The following KIF26B variants were observed in gnomAD, a reference collection of about 807,000 sequenced individuals.
KIF26B encodes the protein kinesin family member 26B.
A neutral mutation model predicts 151.2 loss-of-function variants in KIF26B; 63 were observed. That is an observed-to-expected ratio of 0.42 (90% CI 0.34 to 0.51). The LOEUF (loss-of-function observed/expected upper bound fraction) is 0.51, where lower values mean the gene tolerates loss of function less well. KIF26B is among the 20% of genes least tolerant of loss of function. KIF26B has a pLI of 0.07. For missense variants in KIF26B, 2,813 were observed against 2,913.6 expected (o/e 0.97, Z 0.79); for synonymous variants, 1,357 against 1,262.1 (o/e 1.08, Z -1.59).
At position 245,688,707 on chromosome 1, in the gene KIF26B, C is replaced by T. The variant is rs1423660641; in HGVS notation, c.5724C>T (p.Thr1908=). The change falls in exon 12 of 15, where the codon ACC becomes ACT. Residue 1908 remains threonine, a synonymous_variant. Coordinates refer to ENST00000407071, the MANE Select transcript of KIF26B (RefSeq NM_018012.4). ...GCGTGATGCGGGACAGCGAGGCCAC[C>T]GGCAGCGCGTCCTCGGCGCAGGACT... The part of the protein sequence containing the change: ...YESVMRDSEA[T]GSASSAQDST... 2.5e-6 allele frequency: 4 copies of T among 1,607,434 alleles called. No homozygotes were observed. Among genetic ancestry groups the T allele is most frequent in the Admixed American group, 1.7e-5 (1 of 59,594 alleles).
intron 4 of KIF26B, among the ~76,000 whole-genome samples, chr1:245,528,314 G>A (rs569099027): frequency 1.3e-5 from 2 of 152,308 alleles, no homozygotes; most frequent in East Asian, 3.9e-4. Context: ...CAGGTCATCA[G>A]TTACCCAGGT....
chr1:245,639,601 T>C (rs1176117340), intron 9 of KIF26B, among the ~76,000 whole-genome samples: 1 of 151,908 alleles, frequency 6.6e-6, no homozygotes, highest in East Asian at 1.9e-4. Context: ...TAGGTATTTA[T>C]TGCTATAGAA....
intron 2 of KIF26B, among the ~76,000 whole-genome samples, chr1:245,230,276 AAAACG>A (rs1329695325): frequency 6.6e-6 from 1 of 152,210 alleles, no homozygotes; most frequent in Non-Finnish European, 1.5e-5. Flanking sequence ...GCTCCCACCA[AAAACG>A]ATGTTACTTC....
At chr1:245,173,566 G>A (rs569208868) in intron 2 of KIF26B, among the ~76,000 whole-genome samples, 3 of 152,194 alleles carry the variant, frequency 2.0e-5, no homozygotes, top group African/African-American at 4.8e-5. Flanking sequence ...GCCACTTTAC[G>A]GGTAAAGAAG....
chr1:245,641,262 C>T (rs1474721939), intron 9 of KIF26B, among the ~76,000 whole-genome samples: 5 of 143,568 alleles, frequency 3.5e-5, no homozygotes, highest in African/African-American at 5.3e-5. Flanking sequence ...TTTTTAGGAC[C>T]CTCTTTGCCT....
intron 2 of KIF26B, among the ~76,000 whole-genome samples, chr1:245,313,129 A>G (rs1204716273): frequency 6.6e-6 from 1 of 152,224 alleles, no homozygotes; most frequent in Non-Finnish European, 1.5e-5. Flanking sequence ...ACTGCACTTC[A>G]GCCTCGGCGA....
In KIF26B at chr1:245,188,576, G is replaced by A. The variant is rs1669042170; in HGVS notation, c.465+31893G>A. Among the ~76,000 whole-genome samples, 4 of 152,186 alleles carry A rather than the reference G, an allele frequency of 2.6e-5. No individual in the cohort carries two copies. The East Asian group carries it at 5.8e-4, about 22-fold the overall frequency. ...CCAAGTTAGTTCCTCTTACAAAGAT[G>A]TACAGATTTTAAAACTGAACATGTG... On this transcript the variant is annotated intron_variant, in intron 2 of 14. Coordinates refer to ENST00000407071, the MANE Select transcript of KIF26B (RefSeq NM_018012.4).
chr1:245,556,364 T>TCCTCCCTCCTCCTC (rs1662038536), intron 5 of KIF26B, among the ~76,000 whole-genome samples: 1 of 120,710 alleles, frequency 8.3e-6, no homozygotes. Context: ...TCCTCCTCCT[T>TCCTCCCTCCTCCTC]CTTCTTCTTC....
intron 2 of KIF26B, among the ~76,000 whole-genome samples, chr1:245,236,104 A>AT (rs1326068323): frequency 6.6e-6 from 1 of 151,806 alleles, no homozygotes; most frequent in Non-Finnish European, 1.5e-5. Context: ...TAATTTTTCT[A>AT]TTTTTAGTCG....
intron 2 of KIF26B, among the ~76,000 whole-genome samples, chr1:245,268,166 C>T (rs749009268): frequency 2.6e-5 from 4 of 151,854 alleles, no homozygotes; most frequent in Admixed American, 6.6e-5. Flanking sequence ...AGCAGGACCC[C>T]GTCTGTAAAG....
Position 245,688,735 on chromosome 1 carries a change from A to T in KIF26B, c.5752A>T (p.Thr1918Ser). 6.2e-7 allele frequency: 1 copy of T among 1,607,170 alleles called. No individual in the cohort carries two copies. Among genetic ancestry groups the T allele is most frequent in the East Asian group, 2.2e-5 (1 of 44,678 alleles). The change falls in exon 12 of 15, where the codon ACG (threonine) becomes TCG (serine). Residue 1918 changes from threonine (T) to serine (S), a missense_variant. By Grantham distance (58) the Thr-to-Ser change is moderately conservative. Coordinates refer to ENST00000407071, the MANE Select transcript of KIF26B (RefSeq NM_018012.4). ...CAGCGCGTCCTCGGCGCAGGACTCC[A>T]CGAGCGAGAACAGCAGCTCCGTGGG... Reference protein sequence around the residue: ...TGSASSAQDSTSENSSSVGGR... With the variant: ...TGSASSAQDSSSENSSSVGGR...
intron 8 of KIF26B, among the ~76,000 whole-genome samples, chr1:245,609,863 C>G (rs950857804): frequency 4.6e-5 from 7 of 152,102 alleles, no homozygotes; most frequent in Non-Finnish European, 8.8e-5. Context: ...CTGCTCTGCA[C>G]AAATAGCTAG....
intron 2 of KIF26B, among the ~76,000 whole-genome samples, chr1:245,173,152 G>A (rs924449945): frequency 2.0e-5 from 3 of 152,182 alleles, no homozygotes; most frequent in African/African-American, 7.2e-5. Flanking sequence ...CAGTCACAAA[G>A]ACAAATATTA....
chr1:245,410,756 G>T (rs1172064760), intron 3 of KIF26B, among the ~76,000 whole-genome samples: 2 of 152,048 alleles, frequency 1.3e-5, no homozygotes, highest in Admixed American at 6.5e-5. Flanking sequence ...TTTTATTGTG[G>T]TAAAATATAT....
In KIF26B at chr1:245,702,522, G is replaced by A. The variant is rs775470978; in HGVS notation, c.6243G>A (p.Thr2081=). The A allele has an allele frequency of 2.8e-5, 45 of 1,613,808 alleles. No homozygotes were observed. The highest frequency in any genetic ancestry group is 8.9e-5 in the East Asian group (4 of 44,886). ...ACCTGGAGGCACTGGAGTGTGTGAC[G>A]GAGCGCCTGGAGAGCCGTGTCAACT... is the stretch of plus-strand genomic sequence containing the variant. ...LEYLEALECV[T]ERLESRVNFC... Residue 2081 remains threonine (T), a synonymous_variant, in exon 15 of 15, where the codon ACG becomes ACA. Transcript: ENST00000407071. This position sits in a 1 kb window ranked among gnomAD's most constrained non-coding sequence, Gnocchi z 4.1.
At chr1:245,311,807 G>A (rs981399795) in intron 2 of KIF26B, among the ~76,000 whole-genome samples, 2 of 151,930 alleles carry the variant, frequency 1.3e-5, no homozygotes, top group Non-Finnish European at 2.9e-5. Context: ...GCAGGCGCCT[G>A]TAATCTCAGC....
chr1:245,197,289 C>T (rs1457894555), intron 2 of KIF26B, among the ~76,000 whole-genome samples: 1 of 152,068 alleles, frequency 6.6e-6, no homozygotes, highest in African/African-American at 2.4e-5. Context: ...TTTTAATGAA[C>T]TGGTGTGTGG....
chr1:245,557,017 A>C (rs1662056481), intron 5 of KIF26B, among the ~76,000 whole-genome samples: 1 of 152,174 alleles, frequency 6.6e-6, no homozygotes, highest in South Asian at 2.1e-4. Flanking sequence ...GGGGACAAGG[A>C]ACATCTGTCT....
intron 2 of KIF26B, among the ~76,000 whole-genome samples, chr1:245,349,518 A>G (rs1672521479): frequency 6.7e-6 from 1 of 149,918 alleles, no homozygotes; most frequent in African/African-American, 2.5e-5. Flanking sequence ...AACACACAGT[A>G]CTCACTCATT....
Sources: gnomAD v4.1 joint callset for allele counts (sites outside exome capture counted in the v4.1 genomes callset) on GRCh38, gnomAD v4.1.1 for gene constraint, Gnocchi (gnomAD v3.1) non-coding constraint, MANE v1.5 for transcripts, NCBI Gene and HGNC (gene_info 2026-07-23, HGNC 2026-07-21) for gene names.